The following CCDC40 variants were observed in gnomAD, a reference collection of about 807,000 sequenced individuals.
The protein encoded by CCDC40 is coiled-coil domain-containing protein 40.
Under a neutral mutation model 124.5 loss-of-function variants are expected in CCDC40, and 104 were observed. The ratio of observed to expected loss-of-function variants is 0.84; its 90% confidence interval spans 0.71 to 0.98. CCDC40 has a LOEUF of 0.98. CCDC40 is among the 50% of genes least tolerant of loss of function. CCDC40 has a pLI of 0.00. For missense variants in CCDC40, 1,463 were observed against 1,503.9 expected, an observed-to-expected ratio of 0.97 and a Z score of 0.45; for synonymous variants, 580 against 602.9, an observed-to-expected ratio of 0.96 and a Z score of 0.56.
At chr17:80,047,693 C>T (rs2037464015) in intron 4 of CCDC40, among the ~76,000 whole-genome samples, 1 of 152,224 alleles carries the variant, frequency 6.6e-6, no homozygotes, top group African/African-American at 2.4e-5. Context: ...ACGCGGCCTT[C>T]ACCAAGATTC....
intron 7 of CCDC40, among the ~76,000 whole-genome samples, chr17:80,056,472 G>T (rs1038183992): frequency 1.3e-5 from 2 of 151,766 alleles, no homozygotes; most frequent in African/African-American, 4.8e-5. Flanking sequence ...ATACAAAAAT[G>T]AGAAATTGGC....
chr17:80,063,959 C>G (rs1047826500), intron 9 of CCDC40, among the ~76,000 whole-genome samples: 2 of 152,028 alleles, frequency 1.3e-5, no homozygotes, highest in Non-Finnish European at 2.9e-5. Flanking sequence ...CACTCTGTAC[C>G]CCAGAGATAT....
intron 10 of CCDC40, among the ~76,000 whole-genome samples, chr17:80,076,971 G>A (rs1464910826): frequency 5.9e-5 from 9 of 151,984 alleles, no homozygotes; most frequent in African/African-American, 2.2e-4. Context: ...TCTGACCTCA[G>A]GTAATCTGCC....
chr17:80,067,688 A>G (rs925468122), intron 10 of CCDC40: 12 of 1,535,634 alleles, frequency 7.8e-6, no homozygotes, highest in Non-Finnish European at 9.6e-6. Flanking sequence ...GCTAACGCTC[A>G]CCAGGATGCT....
At position 80,081,751 on chromosome 17, in the gene CCDC40, C is replaced by T; in HGVS notation, c.1768C>T (p.Leu590=). 2.5e-6 allele frequency: 4 copies of T among 1,614,082 alleles called. No homozygotes were observed. The highest frequency in any genetic ancestry group is 3.4e-6 in the Non-Finnish European group (4 of 1,180,026). Residue 590 remains leucine (L), a synonymous_variant, in exon 11 of 20, where the codon CTG becomes TTG. Transcript: ENST00000397545. ...CCAGTTCAATACCTACAGGCTCACC[C>T]TGCAGGACACAGAGGATGCCCTCAG... is the stretch of plus-strand genomic sequence containing the variant. ...QSQFNTYRLT[L]QDTEDALSQD... is the part of the protein sequence containing the mutation.
chr17:80,082,485 C>T (rs1230638736), intron 12 of CCDC40, among the ~76,000 whole-genome samples: 2 of 152,056 alleles, frequency 1.3e-5, no homozygotes, highest in Admixed American at 6.6e-5. Context: ...GGGGTGACCG[C>T]CTCCCCAACA....
In CCDC40 at chr17:80,070,877, C is replaced by T. The variant is rs1233449412; in HGVS notation, c.1562+5271C>T. On this transcript the variant is annotated intron_variant, in intron 10 of 19. Coordinates refer to ENST00000397545, the MANE Select transcript of CCDC40 (RefSeq NM_017950.4). ...TCCCTTCTTCCCACCAGGGAATGAC[C>T]GTGGCTGTGGGCACACCCCCTGTCC... Among the ~76,000 whole-genome samples the T allele has an allele frequency of 3.9e-5, 6 of 152,218 alleles. No individual in the cohort carries two copies. The South Asian group carries it at 6.2e-4, about 16-fold the overall frequency.
At chr17:80,037,690 G>GATAGATATATATATATATAT (rs2037140541) in intron 1 of CCDC40, among the ~76,000 whole-genome samples, 1 of 92,084 alleles carries the variant, frequency 1.1e-5, no homozygotes, top group Non-Finnish European at 2.2e-5. Flanking sequence ...TTTTAAAAAA[G>GATAGATATATATATATATAT]ATATACATAT....
chr17:80,067,748 C>G (rs1280922981), intron 10 of CCDC40: 2 of 1,503,716 alleles, frequency 1.3e-6, no homozygotes, highest in African/African-American at 1.4e-5. Context: ...CTGGGTCTAG[C>G]GGGTATTGCT....
chr17:80,084,939 T>A lies in CCDC40; in HGVS notation c.2186T>A (p.Leu729His), dbSNP rs2038546674. Reference protein sequence around the residue: ...RTILIERKQGLINFLNKQLER... With the variant: ...RTILIERKQGHINFLNKQLER... ...ATCCTGATCGAGAGGAAGCAAGGGC[T>A]CATCAACTTCCTCAACAAGCAGCTG... The change falls in exon 13 of 20, where the codon CTC becomes CAC. Residue 729 changes from leucine to histidine, a missense_variant. By Grantham distance (99) the Leu-to-His change is moderately conservative. Transcript: ENST00000397545. 1 of 1,614,004 alleles carries A rather than the reference T, an allele frequency of 6.2e-7. No individual in the cohort carries two copies. Among genetic ancestry groups the A allele is most frequent in the Admixed American group, 1.7e-5 (1 of 60,010 alleles).
At position 80,050,217 on chromosome 17, in the gene CCDC40, G is replaced by T. The variant is rs1434356376; in HGVS notation, c.1093G>T (p.Glu365Ter). ...GAGCGAGCGCAGGCAGAAGGAGGAG[G>T]AGCTGCAGGCCGCCCGCGCTCTCTA... ...ASSERRQKEE[E>*]LQAARALYTK... The change falls in exon 7 of 20, where the codon GAG becomes TAG. Residue 365 changes from glutamate to a stop codon, truncating the protein, a stop_gained. Coordinates refer to ENST00000397545, the MANE Select transcript of CCDC40 (RefSeq NM_017950.4). LOFTEE classifies it high-confidence loss of function. 3.7e-6 allele frequency: 6 copies of T among 1,607,878 alleles called. No individual in the cohort carries two copies. The highest frequency in any genetic ancestry group is 1.3e-5 in the African/African-American group (1 of 74,644).
chr17:80,069,739 A>T (rs980858978), intron 10 of CCDC40, among the ~76,000 whole-genome samples: 44 of 152,286 alleles, frequency 2.9e-4, no homozygotes, highest in South Asian at 2.1e-4. Context: ...TGACAGAGCG[A>T]GACTTCGTCT....
At chr17:80,090,733 G>C in intron 17 of CCDC40, 1 of 1,399,664 alleles carries the variant, frequency 7.1e-7, no homozygotes, top group Non-Finnish European at 9.3e-7. Context: ...ATTGCAAGTG[G>C]TCATCAAGCT....
intron 3 of CCDC40, among the ~76,000 whole-genome samples, chr17:80,045,520 A>G (rs1251777302): frequency 1.3e-5 from 2 of 152,154 alleles, no homozygotes; most frequent in African/African-American, 2.4e-5. Context: ...CCTGGGTAAC[A>G]TGGCAAAACC....
intron 10 of CCDC40, among the ~76,000 whole-genome samples, chr17:80,073,171 T>C (rs543796871): frequency 6.6e-6 from 1 of 152,124 alleles, no homozygotes; most frequent in East Asian, 1.9e-4. Flanking sequence ...CCCTGCTAAT[T>C]TTTTGTATTT....
Position 80,081,613 on chromosome 17 carries a change from G to C in CCDC40, c.1630G>C (p.Glu544Gln). 1 of 1,614,130 alleles carries C rather than the reference G, an allele frequency of 6.2e-7. No homozygotes were observed. Among genetic ancestry groups the C allele is most frequent in the Non-Finnish European group, 8.5e-7 (1 of 1,180,038 alleles). Reference protein sequence around the residue: ...IEAYKKSIMKEEEKNEKLASI... With the variant: ...IEAYKKSIMKQEEKNEKLASI... ...GGCCTATAAGAAATCCATCATGAAG[G>C]AGGAAGAAAAGAACGAGAAGCTGGC... Residue 544 changes from glutamate to glutamine, a missense_variant, in exon 11 of 20, where the codon GAG (glutamate) becomes CAG (glutamine). By Grantham distance (29) the Glu-to-Gln change is conservative. Coordinates refer to ENST00000397545, the MANE Select transcript of CCDC40 (RefSeq NM_017950.4).
In CCDC40 at chr17:80,058,816, C is replaced by T. The variant is rs753836438; in HGVS notation, c.1318-42C>T. The T allele has an allele frequency of 2.6e-5, 42 of 1,613,518 alleles. No homozygotes were observed. Among genetic ancestry groups the T allele is most frequent in the African/African-American group, 9.3e-5 (7 of 74,886 alleles). ...TTGGTGGAGAACAGGCCCTCAGCCA[C>T]GGGCACCTCCTGACGGGGCTGCTTC... On this transcript the variant is annotated intron_variant, in intron 8 of 19. Transcript: ENST00000397545. This position sits in a 1 kb window ranked among gnomAD's most constrained non-coding sequence, Gnocchi z 4.2.
chr17:80,044,018 G>A (rs2037351079), intron 3 of CCDC40, among the ~76,000 whole-genome samples: 1 of 152,170 alleles, frequency 6.6e-6, no homozygotes, highest in African/African-American at 2.4e-5. Context: ...GGGAGGCAGG[G>A]AAAGAGGATG....
At chr17:80,053,834 G>A (rs1034933694) in intron 7 of CCDC40, among the ~76,000 whole-genome samples, 5 of 152,136 alleles carry the variant, frequency 3.3e-5, no homozygotes, top group East Asian at 1.9e-4. Flanking sequence ...CTCGTGATCC[G>A]CCCACCTTGG....
Sources: allele counts gnomAD v4.1 joint callset (sites outside exome capture counted in the v4.1 genomes callset), GRCh38; gene constraint gnomAD v4.1.1; non-coding constraint Gnocchi (gnomAD v3.1); transcripts MANE v1.5; gene names NCBI Gene and HGNC (gene_info 2026-07-23, HGNC 2026-07-21).